PARP4: variants seen among roughly 807,000 people sequenced by gnomAD.
PARP4 encodes poly(ADP-ribose) polymerase family member 4, also known as protein mono-ADP-ribosyltransferase PARP4.
Under a neutral mutation model 187.7 loss-of-function variants are expected in PARP4, and 120 were observed. The ratio of observed to expected loss-of-function variants is 0.64; its 90% CI spans 0.55 to 0.74. The LOEUF (loss-of-function observed/expected upper bound fraction) is 0.74, where lower values mean the gene tolerates loss of function less well. PARP4 is among the 30% of genes least tolerant of loss of function. The pLI is 0.00. For synonymous variants in PARP4, 654 were observed against 740.9 expected, an observed-to-expected ratio of 0.88 and a Z score of 1.90; for missense variants, 1,836 against 2,070.5, an observed-to-expected ratio of 0.89 and a Z score of 2.20.
chr13:24,444,625 G>A (rs1871118435), intron 27 of PARP4, among the ~76,000 whole-genome samples: 1 of 152,202 alleles, frequency 6.6e-6, no homozygotes, highest in Admixed American at 6.5e-5. Flanking sequence ...CAGTACCAGT[G>A]CAAATATTAC....
At chr13:24,423,704 G>A (rs1565983169) in intron 33 of PARP4, among the ~76,000 whole-genome samples, 1 of 150,896 alleles carries the variant, frequency 6.6e-6, no homozygotes, top group Non-Finnish European at 1.5e-5. Context: ...TTCAGACAGG[G>A]TCTCGCTTTG....
Position 24,469,081 on chromosome 13 carries a change from C to A in PARP4, c.2076G>T (p.Glu692Asp). 6.2e-7 allele frequency: 1 copy of A among 1,613,588 alleles called. No homozygotes were observed. Reference protein sequence around the residue: ...EIKEKEEAQQEYLEAVTQGHG... With the variant: ...EIKEKEEAQQDYLEAVTQGHG... ...GGCCCTGGGTCACGGCTTCTAGGTA[C>A]TCTTGCTGGGCTTCTTCCTTCTCTT... Residue 692 changes from glutamate (E) to aspartate (D), a missense_variant, in exon 17 of 34, where the codon GAG becomes GAT. This residue lies in a region of PARP4 where 1,147 missense variants were observed against 1,214.2 expected (regional missense o/e 0.94). Coordinates refer to ENST00000381989, the MANE Select transcript of PARP4 (RefSeq NM_006437.4).
chr13:24,503,530 G>C (rs1174677995), intron 2 of PARP4, 115 bp downstream of exon 2: 7 of 1,253,870 alleles, frequency 5.6e-6, no homozygotes, highest in African/African-American at 1.5e-5. Context: ...GATGAACTTC[G>C]AGTAGCTCAC....
intron 27 of PARP4, 128 bp downstream of exon 27, chr13:24,446,553 T>C: frequency 4.7e-6 from 3 of 638,998 alleles, no homozygotes; most frequent in Non-Finnish European, 8.3e-6. Flanking sequence ...TTTACGAATT[T>C]GTATTGGGCT....
chr13:24,434,177 C>A (rs984793826), intron 31 of PARP4, among the ~76,000 whole-genome samples: 3 of 152,196 alleles, frequency 2.0e-5, no homozygotes, highest in Non-Finnish European at 4.4e-5. Context: ...TAGAGAAACA[C>A]CAGCCAGCAT....
chr13:24,424,669 T>C (rs936504403), intron 33 of PARP4, among the ~76,000 whole-genome samples: 1 of 124,874 alleles, frequency 8.0e-6, no homozygotes, highest in African/African-American at 3.5e-5. Flanking sequence ...AGTCAAATTA[T>C]GTACTTTTTT....
chr13:24,504,307 CT>C (rs11434017), intron 1 of PARP4, among the ~76,000 whole-genome samples: 7,970 of 87,038 alleles, frequency 0.092, 67 homozygotes, highest in Non-Finnish European at 0.12. Flanking sequence ...CATTTAGGTT[CT>C]TTTTTTTTTT....
intron 26 of PARP4, 110 bp downstream of exon 26, chr13:24,446,906 T>C: frequency 7.0e-7 from 1 of 1,436,514 alleles, no homozygotes; most frequent in South Asian, 1.4e-5. Context: ...ACCAGCTGTG[T>C]TCCCAGAAGA....
chr13:24,472,022 T>C (rs1872747424), intron 15 of PARP4, among the ~76,000 whole-genome samples: 1 of 152,192 alleles, frequency 6.6e-6, no homozygotes, highest in Admixed American at 6.5e-5. Flanking sequence ...ATCCTTTGCT[T>C]TGTATGATCT....
intron 1 of PARP4, among the ~76,000 whole-genome samples, chr13:24,508,398 G>A (rs1869824545): frequency 6.6e-6 from 1 of 151,470 alleles, no homozygotes; most frequent in Admixed American, 6.6e-5. Context: ...TTGAAAATTT[G>A]AAAAATACAG....
At position 24,435,080 on chromosome 13, in the gene PARP4, G is replaced by A. The variant is rs755032271; in HGVS notation, c.4061C>T (p.Ala1354Val). Residue 1354 changes from alanine to valine, a missense_variant, in exon 31 of 34, where the codon GCT (alanine) becomes GTT (valine). Ala to Val is a moderately conservative substitution (Grantham distance 64). Around this residue, in one of 8 missense-constraint regions of PARP4, gnomAD observed 450 missense variants for 439.2 expected, o/e 1.02. Coordinates refer to ENST00000381989, the MANE Select transcript of PARP4 (RefSeq NM_006437.4). ...AGATGCATCAAACTGTCTGGGAGGAGCAGCTGAACCGAAACTAGCTACCTG... is the reference window on the plus strand; with the variant it reads ...AGATGCATCAAACTGTCTGGGAGGAACAGCTGAACCGAAACTAGCTACCTG... ...YRQVASFGSA[A>V]PPRQFDASQF... 1.2e-6 allele frequency: 2 copies of A among 1,614,194 alleles called. No homozygotes were observed. Among genetic ancestry groups the A allele is most frequent in the East Asian group, 2.2e-5 (1 of 44,880 alleles).
chr13:24,490,581 CTAGG>C (rs1868582253), intron 10 of PARP4, 83 bp downstream of exon 10: 2 of 1,001,268 alleles, frequency 2.0e-6, no homozygotes, highest in African/African-American at 1.6e-5. Flanking sequence ...TGAAGATTAT[CTAGG>C]TAATTACTGT....
rs112194013 is a variant in PARP4, at chr13:24,449,592, C to T, written c.3114+126G>A. 7.7e-3 allele frequency: 4,530 copies of T among 587,888 alleles called. 132 individuals are homozygous for T. Among genetic ancestry groups the T allele is most frequent in the African/African-American group, 0.072 (3,784 of 52,886 alleles). 36.4% of individuals were successfully genotyped at this position (587,888 alleles called of 1,614,324 possible). On this transcript the variant is annotated intron_variant, in intron 25 of 33. Coordinates refer to ENST00000381989, the MANE Select transcript of PARP4 (RefSeq NM_006437.4). ...AGTCCTGAGGCAGGGCTCACACCTG[C>T]GGCAGTGCTTGCCTCTTTACGGCTC...
At chr13:24,508,617 G>A (rs1869838349) in intron 1 of PARP4, among the ~76,000 whole-genome samples, 1 of 152,158 alleles carries the variant, frequency 6.6e-6, no homozygotes, top group South Asian at 2.1e-4. Flanking sequence ...GGGTTCAAAC[G>A]ATTCTCCTGC....
At chr13:24,464,496 C>T (rs974275917) in intron 17 of PARP4, among the ~76,000 whole-genome samples, 1 of 152,130 alleles carries the variant, frequency 6.6e-6, no homozygotes, top group Non-Finnish European at 1.5e-5. Flanking sequence ...TAACACCACA[C>T]ATCTACAACT....
chr13:24,444,889 T>TA (rs1166926521), intron 27 of PARP4, among the ~76,000 whole-genome samples: 12 of 152,230 alleles, frequency 7.9e-5, no homozygotes, highest in Non-Finnish European at 1.0e-4. Context: ...TTAGGAAAGA[T>TA]GAACTCCCAG....
intron 21 of PARP4, among the ~76,000 whole-genome samples, chr13:24,455,506 T>TATATATATATATATATATATATCACACA (rs1555234626): frequency 2.2e-5 from 3 of 135,480 alleles, no homozygotes; most frequent in African/African-American, 8.2e-5. Context: ...TATATATATA[T>TATATATATATATATATATATATCACACA]CACACTATTC....
chr13:24,467,155 G>A (rs1444282773), intron 17 of PARP4, among the ~76,000 whole-genome samples: 2 of 152,134 alleles, frequency 1.3e-5, no homozygotes, highest in Non-Finnish European at 2.9e-5. Context: ...TGGAAACACT[G>A]CCATTTAATC....
chr13:24,472,217 G>A (rs1031364209), intron 15 of PARP4, among the ~76,000 whole-genome samples: 16 of 152,118 alleles, frequency 1.1e-4, no homozygotes, highest in African/African-American at 3.4e-4. Context: ...TGGAAAACTC[G>A]GCTGAGGGCC....
Sources: allele counts gnomAD v4.1 joint callset (sites outside exome capture counted in the v4.1 genomes callset), GRCh38; gene constraint gnomAD v4.1.1; regional missense constraint gnomAD v4.1.1; transcripts MANE v1.5; gene names NCBI Gene and HGNC (gene_info 2026-07-23, HGNC 2026-07-21).